The following EIF5A variants were observed in gnomAD, a reference collection of about 807,000 sequenced individuals.
EIF5A encodes eukaryotic translation initiation factor 5A, also known as eukaryotic translation initiation factor 5A-1.
Under a neutral mutation model 16.6 loss-of-function variants are expected in EIF5A, and 1 was observed. That is an observed-to-expected ratio of 0.06 (90% CI 0.02 to 0.28). The LOEUF is 0.28. Ranked by LOEUF, EIF5A falls within the 10% of genes least tolerant of loss-of-function variation. The pLI is 1.00. For synonymous variants in EIF5A, 80 were observed against 73.6 expected (o/e 1.09, Z -0.44); for missense variants, 29 against 196.1 (o/e 0.15, Z 5.09).
At chr17:7,308,420 C>G (rs980889082) in intron 1 of EIF5A, 6 of 1,295,360 alleles carry the variant, frequency 4.6e-6, no homozygotes, top group Non-Finnish European at 5.0e-6. Flanking sequence ...GCGGGGGTTC[C>G]GAGGGGGCCT....
intron 3 of EIF5A, 28 bp downstream of exon 3, chr17:7,311,150 G>A: frequency 3.7e-6 from 6 of 1,610,942 alleles, no homozygotes; most frequent in Non-Finnish European, 5.1e-6. Flanking sequence ...ATGAGGATGG[G>A]TTAGCGGTTT....
At chr17:7,310,574 T>C in intron 2 of EIF5A, 1 of 1,069,200 alleles carries the variant, frequency 9.4e-7, no homozygotes, top group South Asian at 2.6e-5. Context: ...TACATAGTTA[T>C]TTCTGATCTC....
intron 2 of EIF5A, chr17:7,310,293 G>C (rs2072780330): frequency 1.6e-6 from 2 of 1,286,682 alleles, no homozygotes; most frequent in Non-Finnish European, 2.0e-6. Context: ...TCTGACGCAG[G>C]ATCAAACTGC....
intron 3 of EIF5A, 74 bp from the exon 4 acceptor site, chr17:7,311,276 C>CT: frequency 6.2e-7 from 1 of 1,609,798 alleles, no homozygotes; most frequent in South Asian, 1.1e-5. Flanking sequence ...TCCAGTTTGT[C>CT]TATCAGAGCC....
At chr17:7,307,190 ATC>A, upstream of EIF5A, 1 of 1,464,588 alleles carries the variant, frequency 6.8e-7, no homozygotes, top group South Asian at 1.3e-5. Flanking sequence ...GAGACAAGTG[ATC>A]TAGCGGCGTG....
At position 7,308,484 on chromosome 17, in the gene EIF5A, C is replaced by T. The variant is rs781479906; in HGVS notation, c.-22+732C>T. 9.6e-6 allele frequency: 13 copies of T among 1,349,900 alleles called. No homozygotes were observed. The East Asian group carries it at 5.0e-4, about 52-fold the overall frequency. 83.6% of individuals were successfully genotyped at this position (1,349,900 alleles called of 1,614,324 possible). A position where few individuals can be genotyped will look rare whatever the true frequency, so the allele number is the denominator to read the frequency against. Reference sequence around the variant, plus strand: ...TCGGGTCCTAATCACCCCGGAGGGCCTGCTGCAGGCATATGTTAGCGCTTC... The same window carrying T: ...TCGGGTCCTAATCACCCCGGAGGGCTTGCTGCAGGCATATGTTAGCGCTTC... On this transcript the variant is annotated intron_variant, in intron 1 of 5. Transcript: ENST00000336458.
upstream of EIF5A, chr17:7,307,606 T>G: frequency 6.9e-6 from 7 of 1,020,212 alleles, no homozygotes; most frequent in Non-Finnish European, 8.2e-6. Context: ...GCTTGGTTGG[T>G]CAGTGGGGAG....
intron 1 of EIF5A, among the ~76,000 whole-genome samples, chr17:7,308,982 C>T (rs1237725889): frequency 6.6e-6 from 1 of 152,140 alleles, no homozygotes; most frequent in African/African-American, 2.4e-5. Flanking sequence ...TCTTTGGGAA[C>T]CAAGATCGAG....
upstream of EIF5A, chr17:7,307,240 TG>T: frequency 8.0e-7 from 1 of 1,249,764 alleles, no homozygotes; most frequent in East Asian, 2.6e-5. Flanking sequence ...GCGTCTGAGG[TG>T]GAAGGGGTTG....
chr17:7,308,406 C>A, intron 1 of EIF5A: 5 of 1,266,792 alleles, frequency 3.9e-6, no homozygotes, highest in Non-Finnish European at 4.1e-6. Flanking sequence ...GGGAGCTAGT[C>A]CTCGCGGGGG....
rs775263203 is a variant in EIF5A, at chr17:7,308,571, C to T, written c.-22+819C>T. 4 of 1,350,822 alleles carry T rather than the reference C, an allele frequency of 3.0e-6. No homozygotes were observed. In the South Asian group the frequency reaches 4.6e-5, roughly 15 times the overall value. The allele number at this position is 1,350,822 out of a possible 1,614,324, so 83.7% of individuals were successfully genotyped here. ...CCTCCTGTGAAGTGTGGCGGTCAGC[C>T]AGGTGTAAGTGGCACCCCTTCGAGC... is the stretch of plus-strand genomic sequence containing the variant. On this transcript the variant is annotated intron_variant, in intron 1 of 5. Transcript: ENST00000336458.
chr17:7,310,928 G>T, intron 2 of EIF5A, 90 bp from the exon 3 acceptor site: 1 of 1,486,806 alleles, frequency 6.7e-7, no homozygotes, highest in South Asian at 1.3e-5. Flanking sequence ...ATGTAATTCT[G>T]ACTTCCCTCA....
At chr17:7,307,039 T>C, upstream of EIF5A, 3 of 1,591,162 alleles carry the variant, frequency 1.9e-6, no homozygotes, top group Non-Finnish European at 2.6e-6. Context: ...GAAAGACATC[T>C]CCCGCGCATG....
chr17:7,311,559 A>G lies in EIF5A; in HGVS notation c.403-19A>G. 2 of 1,614,166 alleles carry G rather than the reference A, an allele frequency of 1.2e-6. No homozygotes were observed. Among genetic ancestry groups the G allele is most frequent in the Non-Finnish European group, 1.7e-6 (2 of 1,180,034 alleles). ...TCCTGAGCTCAGACATCTCTTGGCTATCCCTCTTGCTTCTCCAGATCACGG... is the reference window on the plus strand; with the variant it reads ...TCCTGAGCTCAGACATCTCTTGGCTGTCCCTCTTGCTTCTCCAGATCACGG... On this transcript the variant is annotated intron_variant, in intron 4 of 5. Coordinates refer to ENST00000336458, the MANE Select transcript of EIF5A (RefSeq NM_001970.5).
intron 2 of EIF5A, chr17:7,310,630 AT>A: frequency 2.0e-6 from 2 of 985,130 alleles, no homozygotes; most frequent in Non-Finnish European, 2.4e-6. Context: ...TTAGTTTCTT[AT>A]CCTTTCCCTT....
chr17:7,308,668 A>T, intron 1 of EIF5A: 1 of 1,134,492 alleles, frequency 8.8e-7, no homozygotes, highest in Non-Finnish European at 1.2e-6. Context: ...CTGGGTGGAC[A>T]GCGCCTAAAA....
intron 1 of EIF5A, chr17:7,308,018 G>C (rs2072678350): frequency 3.0e-6 from 3 of 985,428 alleles, no homozygotes; most frequent in Non-Finnish European, 3.6e-6. Flanking sequence ...GAGGCCGCCA[G>C]GCGGCCACGC....
chr17:7,311,287 T>G, intron 3 of EIF5A, 63 bp from the exon 4 acceptor site: 1 of 1,612,644 alleles, frequency 6.2e-7, no homozygotes. Flanking sequence ...TATCAGAGCC[T>G]TTACTGTCAT....
Position 7,311,560 on chromosome 17 carries a change from T to TC in EIF5A, c.403-15dup, listed in dbSNP as rs2143009663. 6.2e-7 allele frequency: 1 copy of TC among 1,614,174 alleles called. No individual in the cohort carries two copies. Among genetic ancestry groups the TC allele is most frequent in the East Asian group, 2.2e-5 (1 of 44,888 alleles). On this transcript the variant is annotated splice_polypyrimidine_tract_variant and intron_variant, in intron 4 of 5. Coordinates refer to ENST00000336458, the MANE Select transcript of EIF5A (RefSeq NM_001970.5). ...CCTGAGCTCAGACATCTCTTGGCTA[T>TC]CCCTCTTGCTTCTCCAGATCACGGT...
Sources: gnomAD v4.1 joint callset for allele counts (sites outside exome capture counted in the v4.1 genomes callset) on GRCh38, gnomAD v4.1.1 for gene constraint, MANE v1.5 for transcripts, NCBI Gene and HGNC (gene_info 2026-07-23, HGNC 2026-07-21) for gene names.